The following RNGTT variants were observed in gnomAD, a reference collection of about 807,000 sequenced individuals.
RNGTT encodes the protein RNA guanylyltransferase and 5'-phosphatase, also known as mRNA-capping enzyme.
In RNGTT, 33 loss-of-function variants were observed where a neutral mutation model predicts 79.3. The observed-to-expected ratio is 0.42, with a 90% CI of 0.32 to 0.56. The LOEUF (loss-of-function observed/expected upper bound fraction) is 0.56. RNGTT is among the 20% of genes least tolerant of loss of function. RNGTT has a pLI of 0.17. For synonymous variants in RNGTT, 222 were observed against 235.9 expected (o/e 0.94, Z 0.54); for missense variants, 497 against 739.1 (o/e 0.67, Z 3.80).
chr6:88,729,577 T>A (rs1777039788), intron 13 of RNGTT, among the ~76,000 whole-genome samples: 1 of 152,064 alleles, frequency 6.6e-6, no homozygotes, highest in Non-Finnish European at 1.5e-5. Flanking sequence ...GTAGATTGGA[T>A]AAACTACATC....
At chr6:88,962,558 A>G (rs1376936085) in intron 1 of RNGTT, among the ~76,000 whole-genome samples, 2 of 152,134 alleles carry the variant, frequency 1.3e-5, no homozygotes, top group Admixed American at 6.5e-5. Context: ...GGATCACTTG[A>G]GGCCAGGCGT....
chr6:88,795,486 GA>G (rs1779566837), intron 12 of RNGTT, among the ~76,000 whole-genome samples: 1 of 152,078 alleles, frequency 6.6e-6, no homozygotes, highest in African/African-American at 2.4e-5. Flanking sequence ...GCTGAACAAT[GA>G]GAATATGGAC....
chr6:88,651,459 T>C (rs922763568), intron 14 of RNGTT, among the ~76,000 whole-genome samples: 1 of 152,154 alleles, frequency 6.6e-6, no homozygotes, highest in African/African-American at 2.4e-5. Flanking sequence ...CTGCTGGGCA[T>C]ATAATACTCA....
intron 6 of RNGTT, among the ~76,000 whole-genome samples, chr6:88,899,621 T>C (rs974633110): frequency 2.0e-5 from 3 of 150,474 alleles, no homozygotes; most frequent in African/African-American, 7.3e-5. Flanking sequence ...AGCTGGACAA[T>C]GTTAAAGAAT....
chr6:88,634,381 T>C (rs1294649850), intron 14 of RNGTT, among the ~76,000 whole-genome samples: 1 of 152,120 alleles, frequency 6.6e-6, no homozygotes, highest in Non-Finnish European at 1.5e-5. Context: ...ATAAAAATCT[T>C]AAGAAATATC....
chr6:88,663,000 CTT>C (rs572452842), intron 14 of RNGTT, among the ~76,000 whole-genome samples: 15 of 152,274 alleles, frequency 9.9e-5, no homozygotes, highest in South Asian at 8.3e-4. Context: ...TCACTATTGA[CTT>C]TTGGATTTGA....
At chr6:88,814,635 C>T (rs1194242902) in intron 11 of RNGTT, among the ~76,000 whole-genome samples, 1 of 152,042 alleles carries the variant, frequency 6.6e-6, no homozygotes, top group Non-Finnish European at 1.5e-5. Flanking sequence ...GATAGAAAAG[C>T]ATGACCTATC....
chr6:88,943,722 C>T (rs992257800), intron 1 of RNGTT, among the ~76,000 whole-genome samples: 1 of 152,186 alleles, frequency 6.6e-6, no homozygotes, highest in Non-Finnish European at 1.5e-5. Context: ...ACTACTGCCT[C>T]AGAAGTCCAA....
intron 14 of RNGTT, among the ~76,000 whole-genome samples, chr6:88,640,386 C>CAAAAAA (rs34910543): frequency 1.0e-5 from 1 of 97,156 alleles, no homozygotes; most frequent in Non-Finnish European, 2.1e-5. Flanking sequence ...CCTGTCTCTA[C>CAAAAAA]AAAAAAAAAA....
chr6:88,929,324 A>G lies in RNGTT; in HGVS notation c.175-57T>C. 5 of 1,079,994 alleles carry G rather than the reference A, an allele frequency of 4.6e-6. 1 individual carries two copies. The highest frequency in any genetic ancestry group is 7.0e-6 in the Non-Finnish European group (5 of 715,096). 66.9% of individuals were successfully genotyped at this position (1,079,994 alleles called of 1,614,324 possible). A position where few individuals can be genotyped will look rare whatever the true frequency, so the allele number is the denominator to read the frequency against. On this transcript the variant is annotated intron_variant, in intron 2 of 15. Coordinates refer to ENST00000369485, the MANE Select transcript of RNGTT (RefSeq NM_003800.5). ...TACTAGTAACTTAATTTGTTCCCAA[A>G]TAAGTAGACTAAATGGCAATACTAC...
Position 88,612,599 on chromosome 6 carries a change from A to T in RNGTT, c.*120T>A, listed in dbSNP as rs1353063238. 1.2e-5 allele frequency: 13 copies of T among 1,129,612 alleles called. No homozygotes were observed. The highest frequency in any genetic ancestry group is 1.7e-5 in the Non-Finnish European group (13 of 784,764). The allele number at this position is 1,129,612 out of a possible 1,614,324, so 70.0% of individuals were successfully genotyped here. ...CGATAACTTTCTTTTTTTAAAAAAA[A>T]TTCAAATGTGTATCAACATCAAGCC... On this transcript the variant is annotated 3_prime_UTR_variant, in exon 16 of 16. Coordinates refer to ENST00000369485, the MANE Select transcript of RNGTT (RefSeq NM_003800.5).
intron 4 of RNGTT, among the ~76,000 whole-genome samples, chr6:88,914,069 A>C (rs1783919558): frequency 6.6e-6 from 1 of 152,202 alleles, no homozygotes; most frequent in Non-Finnish European, 1.5e-5. Context: ...CTAGGAATAC[A>C]CCCAACCAAG....
At chr6:88,721,935 T>C (rs957201230) in intron 13 of RNGTT, among the ~76,000 whole-genome samples, 2 of 151,972 alleles carry the variant, frequency 1.3e-5, no homozygotes, top group Non-Finnish European at 2.9e-5. Flanking sequence ...TTTTTAAATC[T>C]TGTTTTCTCT....
intron 2 of RNGTT, among the ~76,000 whole-genome samples, chr6:88,930,025 T>TATATGCATATATATGCATATATAC (rs1784451839): frequency 1.6e-5 from 2 of 122,314 alleles, no homozygotes; most frequent in Admixed American, 7.9e-5. Flanking sequence ...TGTATACACA[T>TATATGCATATATATGCATATATAC]ATATGCATAT....
intron 11 of RNGTT, among the ~76,000 whole-genome samples, chr6:88,810,049 C>T (rs1582487880): frequency 6.6e-6 from 1 of 150,818 alleles, no homozygotes; most frequent in African/African-American, 2.4e-5. Context: ...TATCGCCTAA[C>T]AAAAGCAAAA....
At chr6:88,840,210 GTTA>G (rs1475165427) in intron 11 of RNGTT, among the ~76,000 whole-genome samples, 3 of 152,060 alleles carry the variant, frequency 2.0e-5, no homozygotes. Flanking sequence ...GTCAATTGTA[GTTA>G]TTATCCTATA....
At chr6:88,955,868 T>C (rs1325857483) in intron 1 of RNGTT, among the ~76,000 whole-genome samples, 1 of 151,576 alleles carries the variant, frequency 6.6e-6, no homozygotes, top group Admixed American at 6.6e-5. Context: ...TGAAATCCCA[T>C]CTCTACTAAA....
At chr6:88,645,419 C>T (rs946907458) in intron 14 of RNGTT, among the ~76,000 whole-genome samples, 1 of 152,112 alleles carries the variant, frequency 6.6e-6, no homozygotes, top group Non-Finnish European at 1.5e-5. Context: ...GTGAAAATGG[C>T]CATACTGCCC....
chr6:88,668,175 C>A (rs1344276468), intron 14 of RNGTT, among the ~76,000 whole-genome samples: 1 of 152,148 alleles, frequency 6.6e-6, no homozygotes, highest in African/African-American at 2.4e-5. Context: ...TGGAACATAG[C>A]CCCTTTGTGG....
Sources: allele counts gnomAD v4.1 joint callset (sites outside exome capture counted in the v4.1 genomes callset), GRCh38; gene constraint gnomAD v4.1.1; transcripts MANE v1.5; gene names NCBI Gene and HGNC (gene_info 2026-07-23, HGNC 2026-07-21).